The following SPRY3 variants were observed in gnomAD, a reference collection of about 807,000 sequenced individuals.
SPRY3 encodes sprouty RTK signaling antagonist 3, also known as protein sprouty homolog 3.
A neutral mutation model predicts 20.2 loss-of-function variants in SPRY3; 15 were observed. The ratio of observed to expected loss-of-function variants is 0.74; its 90% CI spans 0.50 to 1.14. The LOEUF (loss-of-function observed/expected upper bound fraction) is 1.14. Among genes scored for constraint, SPRY3 ranks in the 50% most tolerant of loss-of-function variants. The pLI is 0.00. For synonymous variants in SPRY3, 143 were observed against 136.5 expected (o/e 1.05, Z -0.33); for missense variants, 364 against 363.9 (o/e 1.00, Z 0.00).
chrX:155,643,182 C>T (rs1557351570), intron 1 of SPRY3, among the ~76,000 whole-genome samples: 1 of 111,339 alleles, frequency 9.0e-6, no homozygotes, highest in African/African-American at 3.3e-5. Flanking sequence ...TATTTACAAT[C>T]ATTATATCCT....
chrX:155,736,089 T>TA (rs1300805634), intron 2 of SPRY3, among the ~76,000 whole-genome samples: 1 of 151,994 alleles, frequency 6.6e-6, no homozygotes, highest in Non-Finnish European at 1.5e-5. Flanking sequence ...AGGTACCTTA[T>TA]AAAAAATATT....
At chrX:155,636,301 A>G (rs897761323) in intron 1 of SPRY3, among the ~76,000 whole-genome samples, 1 of 111,994 alleles carries the variant, frequency 8.9e-6, no homozygotes, top group Non-Finnish European at 1.9e-5. Context: ...TGCACTTAGG[A>G]AATTCTCTGG....
chrX:155,774,537 G>C, exon 4 of SPRY3: 1 of 1,613,936 alleles, frequency 6.2e-7, no homozygotes, highest in Non-Finnish European at 8.5e-7. Flanking sequence ...TTGTCCGCTG[G>C]GCAGCCATGA....
chrX:155,754,463 T>C, intron 2 of SPRY3, among the ~76,000 whole-genome samples: 1 of 152,198 alleles, frequency 6.6e-6, no homozygotes, highest in East Asian at 1.9e-4. Context: ...TATATCCTTA[T>C]TCCAGTACTA....
intron 2 of SPRY3, among the ~76,000 whole-genome samples, chrX:155,685,309 A>G (rs1280437531): frequency 1.9e-5 from 2 of 107,412 alleles, no homozygotes; most frequent in South Asian, 3.9e-4. Context: ...GATAATTTCT[A>G]TTGCTCTATC....
intron 2 of SPRY3, among the ~76,000 whole-genome samples, chrX:155,746,642 T>C (rs947392849): frequency 6.6e-6 from 1 of 152,006 alleles, no homozygotes; most frequent in African/African-American, 2.4e-5. Context: ...CAGTCTTTCC[T>C]TTACCTTGGT....
At chrX:155,632,048 A>G (rs181282021) in intron 1 of SPRY3, among the ~76,000 whole-genome samples, 231 of 111,963 alleles carry the variant, frequency 2.1e-3, no homozygotes, top group Non-Finnish European at 3.7e-3. Flanking sequence ...AGAAGGAAGT[A>G]ACTCTAACAG....
At chrX:155,671,311 G>C (rs1245120968) in intron 2 of SPRY3, among the ~76,000 whole-genome samples, 1 of 110,793 alleles carries the variant, frequency 9.0e-6, no homozygotes, top group African/African-American at 3.3e-5. Context: ...CTCTCTCTCT[G>C]AGTCATTCTG....
chrX:155,642,365 C>T (rs908475414), intron 1 of SPRY3, among the ~76,000 whole-genome samples: 5 of 111,324 alleles, frequency 4.5e-5, no homozygotes, highest in Admixed American at 3.8e-4. Flanking sequence ...TTATTTGGGT[C>T]TTCTCTTTTT....
chrX:155,719,522 C>T (rs190465443), intron 2 of SPRY3, among the ~76,000 whole-genome samples: 1 of 151,808 alleles, frequency 6.6e-6, no homozygotes, highest in Non-Finnish European at 1.5e-5. Context: ...CTCCCCTAAC[C>T]CCTAACCCCT....
At position 155,729,015 on chromosome X, in the gene SPRY3, G is replaced by A. The variant is rs778451526; in HGVS notation, c.-281-38947G>A. Among the ~76,000 whole-genome samples the A allele has an allele frequency of 3.3e-5, 5 of 152,122 alleles. No individual in the cohort carries two copies. In the East Asian group the frequency reaches 5.8e-4, roughly 18 times the overall value. ...TGATAATAGGGTCAATTCTGCAAGA[G>A]GATATAACAATTTTAAATATATACA... On this transcript the variant is annotated intron_variant, in intron 2 of 3. Transcript: ENST00000675360.
At chrX:155,774,352 G>T (rs35474915) in exon 4 of SPRY3, 1 of 1,614,004 alleles carries the variant, frequency 6.2e-7, no homozygotes, top group Non-Finnish European at 8.5e-7. Context: ...CTGCACAGCA[G>T]CTCGCCCTCT....
intron 2 of SPRY3, among the ~76,000 whole-genome samples, chrX:155,739,050 A>C (rs2091187663): frequency 6.6e-6 from 1 of 152,114 alleles, no homozygotes; most frequent in South Asian, 2.1e-4. Context: ...AGATGGATTG[A>C]GTTCCTGGGG....
intron 2 of SPRY3, among the ~76,000 whole-genome samples, chrX:155,761,271 A>T (rs1455299698): frequency 6.6e-6 from 1 of 152,146 alleles, no homozygotes. Context: ...CTCTTCTGTG[A>T]CAATGTGTAT....
intron 2 of SPRY3, among the ~76,000 whole-genome samples, chrX:155,765,809 A>G (rs1179127831): frequency 6.6e-6 from 1 of 152,184 alleles, no homozygotes; most frequent in Non-Finnish European, 1.5e-5. Context: ...TGCCTCTCCT[A>G]TGGGTTACAT....
At chrX:155,759,835 A>T (rs2091297268) in intron 2 of SPRY3, among the ~76,000 whole-genome samples, 1 of 148,492 alleles carries the variant, frequency 6.7e-6, no homozygotes, top group Admixed American at 6.6e-5. Flanking sequence ...AACACAGAGA[A>T]GTAAGTAAGC....
chrX:155,667,986 G>A (rs1044589491), intron 2 of SPRY3, among the ~76,000 whole-genome samples: 14 of 107,239 alleles, frequency 1.3e-4, no homozygotes, highest in African/African-American at 4.0e-4. Context: ...TTGAACATTT[G>A]GAATCTTATA....
At chrX:155,614,535 C>T (rs1438273554) in intron 1 of SPRY3, among the ~76,000 whole-genome samples, 1 of 111,198 alleles carries the variant, frequency 9.0e-6, no homozygotes, top group Non-Finnish European at 1.9e-5. Context: ...TTATATCAAA[C>T]ACTTAAGGTA....
chrX:155,689,437 T>A (rs1183740201), intron 2 of SPRY3, among the ~76,000 whole-genome samples: 1 of 87,123 alleles, frequency 1.1e-5, no homozygotes, highest in Non-Finnish European at 2.1e-5. Flanking sequence ...GTCCCAGATT[T>A]TCTTTGTACA....
Sources: allele counts gnomAD v4.1 joint callset (sites outside exome capture counted in the v4.1 genomes callset), GRCh38; gene constraint gnomAD v4.1.1; transcripts MANE v1.5; gene names NCBI Gene and HGNC (gene_info 2026-07-23, HGNC 2026-07-21).